DAGLB: variants seen among roughly 807,000 people sequenced by gnomAD.
DAGLB encodes the protein diacylglycerol lipase-beta.
A neutral mutation model predicts 72.1 loss-of-function variants in DAGLB; 66 were observed. That is an observed-to-expected ratio of 0.92 (90% CI 0.75 to 1.12). The LOEUF is 1.12. Ranked by LOEUF, DAGLB falls within the 50% of genes most tolerant of loss-of-function variation. DAGLB has a pLI of 0.00. For missense variants in DAGLB, 1,065 were observed against 884.9 expected (o/e 1.20, Z -2.58); for synonymous variants, 414 against 359.5 (o/e 1.15, Z -1.71).
At chr7:6,442,601 T>A (rs940013217) in intron 2 of DAGLB, among the ~76,000 whole-genome samples, 1 of 152,194 alleles carries the variant, frequency 6.6e-6, no homozygotes, top group African/African-American at 2.4e-5. Context: ...TCACCTTCAA[T>A]AAGAAGCTTC....
At chr7:6,421,954 AGAGG>A in intron 8 of DAGLB, 150 bp from the exon 9 acceptor site, 1 of 867,928 alleles carries the variant, frequency 1.2e-6, no homozygotes, top group Non-Finnish European at 1.8e-6. Context: ...CCTAAACTAA[AGAGG>A]GAAACCCAGC....
chr7:6,428,423 C>T (rs1784379510), intron 6 of DAGLB, among the ~76,000 whole-genome samples: 2 of 151,396 alleles, frequency 1.3e-5, no homozygotes, highest in Admixed American at 1.3e-4. Context: ...TGCTGTACTG[C>T]CAGATGAGAA....
At chr7:6,437,907 G>T (rs2115288299) in intron 2 of DAGLB, among the ~76,000 whole-genome samples, 1 of 152,324 alleles carries the variant, frequency 6.6e-6, no homozygotes, top group South Asian at 2.1e-4. Context: ...CTCGCAAAGT[G>T]CTGGGATTAC....
intron 11 of DAGLB, among the ~76,000 whole-genome samples, chr7:6,414,154 G>T (rs1562478229): frequency 6.6e-6 from 1 of 151,932 alleles, no homozygotes; most frequent in Non-Finnish European, 1.5e-5. Context: ...GGGACTACAG[G>T]CGCCCACCAC....
At position 6,410,399 on chromosome 7, in the gene DAGLB, CAGTAGAAT is replaced by C. The variant is rs781643158; in HGVS notation, c.1570-27_1570-20del. The C allele has an allele frequency of 1.6e-5, 25 of 1,581,762 alleles. No individual in the cohort carries two copies. Among genetic ancestry groups the C allele is most frequent in the Middle Eastern group, 1.7e-4 (1 of 5,932 alleles). ...TCTTGTACTGAGGGCGAGACCCAATCAGTAGAATGCTGTCACTCACCCTCTGTCACCCG... is the reference window on the plus strand; with the variant it reads ...TCTTGTACTGAGGGCGAGACCCAATCGCTGTCACTCACCCTCTGTCACCCG... On this transcript the variant is annotated intron_variant, in intron 13 of 14. Coordinates refer to ENST00000297056, the MANE Select transcript of DAGLB (RefSeq NM_139179.4).
intron 9 of DAGLB, among the ~76,000 whole-genome samples, chr7:6,420,582 A>G (rs1327184177): frequency 1.3e-5 from 2 of 152,170 alleles, no homozygotes; most frequent in Non-Finnish European, 2.9e-5. Context: ...GAGGAAGCGG[A>G]AGTGAGTGGT....
At chr7:6,436,266 A>G in intron 3 of DAGLB, 96 bp downstream of exon 3, 1 of 1,438,430 alleles carries the variant, frequency 7.0e-7, no homozygotes, top group Non-Finnish European at 9.3e-7. Context: ...TATTTGAGGA[A>G]GTCCGAGGGA....
intron 3 of DAGLB, 106 bp from the exon 4 acceptor site, chr7:6,435,126 G>T (rs772202764): frequency 4.6e-5 from 69 of 1,498,896 alleles, no homozygotes; most frequent in Middle Eastern, 5.0e-4. Context: ...CTACCACGGA[G>T]GGTTCTGTTA....
chr7:6,425,506 A>G (rs972705448), intron 7 of DAGLB, among the ~76,000 whole-genome samples: 2 of 151,982 alleles, frequency 1.3e-5, no homozygotes, highest in African/African-American at 4.8e-5. Context: ...TCCTGACCTT[A>G]TGATCCACCC....
rs1285956367 is a variant in DAGLB, at chr7:6,446,034, T to C, written c.166A>G (p.Ser56Gly). 1.9e-6 allele frequency: 3 copies of C among 1,613,494 alleles called. No homozygotes were observed. The highest frequency in any genetic ancestry group is 2.5e-6 in the Non-Finnish European group (3 of 1,179,896). Residue 56 changes from serine to glycine, a missense_variant, in exon 2 of 15, where the codon AGC (serine) becomes GGC (glycine). Coordinates refer to ENST00000297056, the MANE Select transcript of DAGLB (RefSeq NM_139179.4). ...ATCATGAGGACGATCAAGTAACTGC[T>C]GAGCAAGGCTCCACCAGCACAGTCC... ...KLDCAGGALL[S>G]SYLIVLMILL...
intron 9 of DAGLB, among the ~76,000 whole-genome samples, chr7:6,418,166 G>T (rs1012032261): frequency 2.6e-5 from 4 of 151,958 alleles, no homozygotes; most frequent in African/African-American, 9.7e-5. Flanking sequence ...ACTGTGCCCA[G>T]CAAAAATTTA....
At chr7:6,447,227 T>G (rs993834218) in intron 1 of DAGLB, among the ~76,000 whole-genome samples, 2 of 152,212 alleles carry the variant, frequency 1.3e-5, no homozygotes, top group Non-Finnish European at 2.9e-5. Context: ...TCCCACTGAT[T>G]CCACACTTTG....
At chr7:6,412,752 C>T (rs1783770974) in intron 13 of DAGLB, 59 bp downstream of exon 13, 2 of 1,543,006 alleles carry the variant, frequency 1.3e-6, no homozygotes, top group Non-Finnish European at 1.8e-6. Flanking sequence ...CGGCTCTCCA[C>T]AGGATCTCAG....
At chr7:6,413,975 G>T (rs1783819910) in intron 11 of DAGLB, among the ~76,000 whole-genome samples, 1 of 152,184 alleles carries the variant, frequency 6.6e-6, no homozygotes, top group South Asian at 2.1e-4. Flanking sequence ...GGAAACACCA[G>T]TCAAAACCAC....
At chr7:6,429,566 A>G (rs1382959611) in intron 6 of DAGLB, among the ~76,000 whole-genome samples, 1 of 151,866 alleles carries the variant, frequency 6.6e-6, no homozygotes, top group Admixed American at 6.6e-5. Flanking sequence ...GTTTGAGACC[A>G]GCCCGGTCAA....
At chr7:6,445,889 T>G in intron 2 of DAGLB, 64 bp downstream of exon 2, 10 of 1,483,630 alleles carry the variant, frequency 6.7e-6, no homozygotes, top group Non-Finnish European at 7.2e-6. Flanking sequence ...TTGTATGGTA[T>G]GTGAATTATA....
chr7:6,443,092 A>G (rs575918074), intron 2 of DAGLB, among the ~76,000 whole-genome samples: 1 of 151,404 alleles, frequency 6.6e-6, no homozygotes, highest in Non-Finnish European at 1.5e-5. Context: ...CTGAGGCAGG[A>G]GAATGGCGTG....
At chr7:6,444,064 C>G (rs1784920123) in intron 2 of DAGLB, among the ~76,000 whole-genome samples, 1 of 152,054 alleles carries the variant, frequency 6.6e-6, no homozygotes, top group African/African-American at 2.4e-5. Context: ...CCCAGGAGTT[C>G]AAGATCAGTC....
chr7:6,419,463 G>A (rs1208816265), intron 9 of DAGLB, among the ~76,000 whole-genome samples: 1 of 152,136 alleles, frequency 6.6e-6, no homozygotes, highest in African/African-American at 2.4e-5. Flanking sequence ...CCTCCCCGGC[G>A]CACATCCAAC....
Sources: allele counts gnomAD v4.1 joint callset (sites outside exome capture counted in the v4.1 genomes callset), GRCh38; gene constraint gnomAD v4.1.1; transcripts MANE v1.5; gene names NCBI Gene and HGNC (gene_info 2026-07-23, HGNC 2026-07-21).